The following TMEM232 variants were observed in gnomAD, a reference collection of about 807,000 sequenced individuals.
TMEM232 encodes transmembrane protein 232.
In TMEM232, 80 loss-of-function variants were observed where a neutral mutation model predicts 78.8. The observed-to-expected ratio is 1.01, with a 90% CI of 0.85 to 1.22. TMEM232 has a LOEUF of 1.22. TMEM232 is among the 50% of genes most tolerant of loss of function. The pLI is 0.00. For missense variants in TMEM232, 881 were observed against 742.2 expected (o/e 1.19, Z -2.17); for synonymous variants, 297 against 254.3 (o/e 1.17, Z -1.60).
At chr5:110,414,208 C>T (rs1209401865) in intron 2 of TMEM232, among the ~76,000 whole-genome samples, 1 of 152,144 alleles carries the variant, frequency 6.6e-6, no homozygotes, top group East Asian at 1.9e-4. Context: ...CTTGTCTCTA[C>T]CTGAAATTAT....
intron 12 of TMEM232, among the ~76,000 whole-genome samples, chr5:110,426,766 G>A (rs1050584055): frequency 1.3e-5 from 2 of 151,964 alleles, no homozygotes; most frequent in Non-Finnish European, 2.9e-5. Flanking sequence ...AGAAAGCTGG[G>A]GACATGTAGA....
intron 12 of TMEM232, among the ~76,000 whole-genome samples, chr5:110,527,152 T>C (rs1378669441): frequency 6.6e-6 from 1 of 151,922 alleles, no homozygotes; most frequent in Non-Finnish European, 1.5e-5. Flanking sequence ...GTTAACTTTC[T>C]AACTTTAATG....
intron 10 of TMEM232, among the ~76,000 whole-genome samples, chr5:110,579,228 C>T (rs1246319958): frequency 1.3e-5 from 2 of 150,088 alleles, no homozygotes; most frequent in African/African-American, 2.4e-5. Flanking sequence ...AAAAATCTGC[C>T]AGGAAGATAC....
At chr5:110,524,199 T>C (rs1284846019) in intron 12 of TMEM232, among the ~76,000 whole-genome samples, 3 of 144,294 alleles carry the variant, frequency 2.1e-5, no homozygotes, top group Middle Eastern at 3.6e-3. Flanking sequence ...GAGGTGGAGG[T>C]TGCAGTAAGC....
chr5:110,489,882 T>C (rs571536640), intron 12 of TMEM232, among the ~76,000 whole-genome samples: 1 of 152,070 alleles, frequency 6.6e-6, no homozygotes, highest in South Asian at 2.1e-4. Context: ...TCCTAGCACT[T>C]TGGAAGGCCG....
At chr5:110,621,052 AG>A (rs1203037368) in intron 7 of TMEM232, among the ~76,000 whole-genome samples, 4 of 151,378 alleles carry the variant, frequency 2.6e-5, no homozygotes, top group Non-Finnish European at 5.9e-5. Flanking sequence ...TAGTACAGAC[AG>A]GGTTTCACCA....
Position 110,536,459 on chromosome 5 carries a change from T to C in TMEM232, c.1456-7624A>G, listed in dbSNP as rs115918413. On this transcript the variant is annotated intron_variant, in intron 11 of 13. Transcript: ENST00000455884. ...TTCTATCTTTTCTGATTATAGTCCC[T>C]GATCTCTACGTGTGACACAATTGGC... is the stretch of plus-strand genomic sequence containing the variant. Among the ~76,000 whole-genome samples, 123 of 152,360 alleles carry C rather than the reference T, an allele frequency of 8.1e-4. 1 individual carries two copies. The highest frequency in any genetic ancestry group is 2.9e-3 in the African/African-American group (121 of 41,598).
intron 3 of TMEM232, among the ~76,000 whole-genome samples, 177 bp from the exon 4 acceptor site, chr5:110,641,173 G>A (rs1401497880): frequency 6.6e-6 from 1 of 151,984 alleles, no homozygotes; most frequent in African/African-American, 2.4e-5. Context: ...GAGATTTTAT[G>A]CAAACTGTAT....
intron 11 of TMEM232, 112 bp from the exon 12 acceptor site, chr5:110,528,947 A>AT: frequency 9.9e-7 from 1 of 1,007,466 alleles, no homozygotes; most frequent in Non-Finnish European, 1.3e-6. Flanking sequence ...CTAATATTGC[A>AT]TTTTTCCTGT....
At position 110,625,395 on chromosome 5, in the gene TMEM232, T is replaced by A; in HGVS notation, c.640A>T (p.Asn214Tyr). Residue 214 changes from asparagine to tyrosine, a missense_variant, in exon 7 of 14, where the codon AAC becomes TAC. Transcript: ENST00000455884. ...ATGAATTGCACATTTGAAAAGATGTTTGGATACTTGTGATATGATGCTCCA... is the reference window on the plus strand; with the variant it reads ...ATGAATTGCACATTTGAAAAGATGTATGGATACTTGTGATATGATGCTCCA... ...FSGASYHKYP[N>Y]IFSNVQFILK... 6.5e-7 allele frequency: 1 copy of A among 1,544,868 alleles called. No homozygotes were observed. The highest frequency in any genetic ancestry group is 8.7e-7 in the Non-Finnish European group (1 of 1,143,284).
chr5:110,650,652 T>C (rs1171080738), intron 2 of TMEM232, among the ~76,000 whole-genome samples: 1 of 152,130 alleles, frequency 6.6e-6, no homozygotes, highest in African/African-American at 2.4e-5. Flanking sequence ...ACTAGTACTC[T>C]TCAAAATTGT....
chr5:110,470,896 A>T (rs544275976), intron 12 of TMEM232, among the ~76,000 whole-genome samples: 1 of 152,334 alleles, frequency 6.6e-6, no homozygotes, highest in Admixed American at 6.5e-5. Flanking sequence ...GTCCCAAAGA[A>T]TTGAAAATCT....
chr5:110,588,180 T>G (rs966119650), intron 10 of TMEM232, among the ~76,000 whole-genome samples: 2 of 152,098 alleles, frequency 1.3e-5, no homozygotes, highest in African/African-American at 2.4e-5. Flanking sequence ...TGAATCAAAA[T>G]GAAACATACA....
intron 12 of TMEM232, among the ~76,000 whole-genome samples, chr5:110,505,785 C>T (rs890118922): frequency 4.6e-5 from 7 of 152,194 alleles, no homozygotes; most frequent in Non-Finnish European, 8.8e-5. Flanking sequence ...GTTGGGATTA[C>T]AGGCGTGAGC....
At chr5:110,537,909 C>G (rs1772601327) in intron 11 of TMEM232, among the ~76,000 whole-genome samples, 1 of 152,200 alleles carries the variant, frequency 6.6e-6, no homozygotes, top group Admixed American at 6.5e-5. Context: ...GTTGCACCCC[C>G]TTGGAAAAAA....
intron 12 of TMEM232, among the ~76,000 whole-genome samples, chr5:110,519,275 C>T (rs558759347): frequency 6.6e-6 from 1 of 152,246 alleles, no homozygotes; most frequent in South Asian, 2.1e-4. Flanking sequence ...CGTACATGTG[C>T]ATTTGGGCTG....
At chr5:110,653,134 A>C (rs1009401820) in intron 2 of TMEM232, among the ~76,000 whole-genome samples, 2 of 152,252 alleles carry the variant, frequency 1.3e-5, no homozygotes, top group South Asian at 2.1e-4. Context: ...GCCTGGCCTC[A>C]GGAAGTTCCC....
At chr5:110,573,603 G>C (rs1281916153) in intron 10 of TMEM232, among the ~76,000 whole-genome samples, 1 of 151,964 alleles carries the variant, frequency 6.6e-6, no homozygotes, top group Admixed American at 6.6e-5. Flanking sequence ...TATAAAGAAA[G>C]TAAGTATAAC....
intron 10 of TMEM232, among the ~76,000 whole-genome samples, chr5:110,586,969 A>G (rs1778889326): frequency 6.6e-6 from 1 of 152,164 alleles, no homozygotes; most frequent in African/African-American, 2.4e-5. Context: ...TAAAATAAAA[A>G]CTTGGATGAC....
Sources: gnomAD v4.1 joint callset for allele counts (sites outside exome capture counted in the v4.1 genomes callset) on GRCh38, gnomAD v4.1.1 for gene constraint, MANE v1.5 for transcripts, NCBI Gene and HGNC (gene_info 2026-07-23, HGNC 2026-07-21) for gene names.